Variants in TMTC1 observed in about 807,000 individuals in gnomAD.
TMTC1 encodes protein O-mannosyl-transferase TMTC1.
TMTC1 carries 73 observed loss-of-function variants against 104.8 expected under a neutral mutation model. That is an observed-to-expected ratio of 0.70 (90% confidence interval 0.58 to 0.85). The LOEUF (loss-of-function observed/expected upper bound fraction) is 0.85, where lower values mean the gene tolerates loss of function less well. Ranked by LOEUF, TMTC1 falls within the 40% of genes least tolerant of loss-of-function variation. TMTC1 has a pLI of 0.00. For synonymous variants in TMTC1, 434 were observed against 428.7 expected (o/e 1.01, Z -0.15); for missense variants, 1,035 against 1,096.1 (o/e 0.94, Z 0.79).
At chr12:29,722,162 T>C (rs115697550) in intron 5 of TMTC1, among the ~76,000 whole-genome samples, 1 of 152,132 alleles carries the variant, frequency 6.6e-6, no homozygotes, top group African/African-American at 2.4e-5. Context: ...CTTGAAAGGG[T>C]CTTGGGGAAC....
At chr12:29,658,786 T>C (rs770934408) in intron 5 of TMTC1, 3 of 171,464 alleles carry the variant, frequency 1.7e-5, no homozygotes, top group Non-Finnish European at 2.6e-5. Flanking sequence ...CTCTTTTTCT[T>C]TGTGTTCCTC....
chr12:29,606,602 G>A (rs1373608921), intron 6 of TMTC1, among the ~76,000 whole-genome samples: 1 of 152,172 alleles, frequency 6.6e-6, no homozygotes, highest in Admixed American at 6.5e-5. Context: ...TCCCAAAGAA[G>A]TTTCTAAAGA....
intron 6 of TMTC1, among the ~76,000 whole-genome samples, chr12:29,615,339 T>A (rs949779801): frequency 7.2e-5 from 11 of 152,180 alleles, no homozygotes; most frequent in African/African-American, 2.7e-4. Flanking sequence ...CTGAGGTGCA[T>A]GTAACAATGT....
chr12:29,740,793 G>A (rs1038870951), intron 5 of TMTC1, among the ~76,000 whole-genome samples: 1 of 151,822 alleles, frequency 6.6e-6, no homozygotes, highest in African/African-American at 2.4e-5. Flanking sequence ...TTACAAAGAA[G>A]GAAAAAGGAA....
At chr12:29,510,335 T>C (rs1943799106) in intron 17 of TMTC1, among the ~76,000 whole-genome samples, 1 of 152,232 alleles carries the variant, frequency 6.6e-6, no homozygotes, top group African/African-American at 2.4e-5. Context: ...TGAGACATCA[T>C]CATATATATG....
intron 5 of TMTC1, among the ~76,000 whole-genome samples, chr12:29,678,058 T>G (rs1940792349): frequency 6.6e-6 from 1 of 152,212 alleles, no homozygotes; most frequent in Admixed American, 6.5e-5. Flanking sequence ...AGGGAAGTAA[T>G]TTATTTTAGA....
intron 16 of TMTC1, among the ~76,000 whole-genome samples, chr12:29,512,707 T>G (rs1297219637): frequency 6.6e-6 from 1 of 152,212 alleles, no homozygotes; most frequent in Non-Finnish European, 1.5e-5. Context: ...AGAGAGTTAC[T>G]TATCCCTCAA....
chr12:29,695,793 T>TTTTA (rs371127995), intron 5 of TMTC1, among the ~76,000 whole-genome samples: 18 of 83,758 alleles, frequency 2.1e-4, no homozygotes, highest in Non-Finnish European at 4.0e-4. Context: ...TACTTCCTTT[T>TTTTA]TATATATATA....
chr12:29,766,861 T>C (rs548111882), intron 2 of TMTC1, among the ~76,000 whole-genome samples: 1 of 152,284 alleles, frequency 6.6e-6, no homozygotes, highest in African/African-American at 2.4e-5. Flanking sequence ...ACCAGTTGTA[T>C]TTACTGAGCT....
At chr12:29,657,157 C>T (rs920479300) in intron 5 of TMTC1, among the ~76,000 whole-genome samples, 1 of 152,276 alleles carries the variant, frequency 6.6e-6, no homozygotes, top group East Asian at 1.9e-4. Flanking sequence ...AGAATGAACG[C>T]TCAAATTCAG....
At chr12:29,574,903 C>CAGCA (rs1048463673) in intron 8 of TMTC1, among the ~76,000 whole-genome samples, 1 of 152,154 alleles carries the variant, frequency 6.6e-6, no homozygotes, top group Non-Finnish European at 1.5e-5. Context: ...GAGGGAGGGC[C>CAGCA]AGCAGCAAGA....
At chr12:29,543,249 C>A (rs930704914) in intron 10 of TMTC1, among the ~76,000 whole-genome samples, 2 of 152,164 alleles carry the variant, frequency 1.3e-5, no homozygotes, top group African/African-American at 4.8e-5. Context: ...TTTCATGGCT[C>A]CATGTCAGTG....
intron 5 of TMTC1, among the ~76,000 whole-genome samples, chr12:29,696,682 T>C (rs993862110): frequency 9.2e-5 from 14 of 152,198 alleles, no homozygotes; most frequent in African/African-American, 3.4e-4. Flanking sequence ...TTAATATGGT[T>C]ATGTTTTCCT....
At chr12:29,628,360 T>C (rs534546887) in intron 6 of TMTC1, among the ~76,000 whole-genome samples, 1 of 152,240 alleles carries the variant, frequency 6.6e-6, no homozygotes, top group East Asian at 1.9e-4. Flanking sequence ...AAGCCAGACA[T>C]ACAAGATTAC....
chr12:29,517,493 C>T lies in TMTC1; in HGVS notation c.2103G>A (p.Glu701=), dbSNP rs747118750. 6.2e-7 allele frequency: 1 copy of T among 1,614,122 alleles called. No homozygotes were observed. Among genetic ancestry groups the T allele is most frequent in the Non-Finnish European group, 8.5e-7 (1 of 1,180,022 alleles). Residue 701 remains glutamate (E), a synonymous_variant, in exon 14 of 18, where the codon GAG becomes GAA. Coordinates refer to ENST00000539277, the MANE Select transcript of TMTC1 (RefSeq NM_001193451.2). ...CAGCTTCCTGGTAAATCTGCAAAGC[C>T]TCTTCGTATCGGCCAGTGTTGTAAT... ...ALYYNTGRYE[E]ALQIYQEAAA...
At chr12:29,563,883 G>A (rs192967267) in intron 9 of TMTC1, among the ~76,000 whole-genome samples, 1 of 152,282 alleles carries the variant, frequency 6.6e-6, no homozygotes, top group African/African-American at 2.4e-5. Context: ...TGTGAGGAGA[G>A]CAGACAGAGC....
intron 5 of TMTC1, among the ~76,000 whole-genome samples, chr12:29,705,608 T>A (rs900557009): frequency 2.0e-5 from 3 of 152,140 alleles, no homozygotes. Flanking sequence ...CCCACACCCT[T>A]CTTTCTTGTT....
rs746330751 is a variant in TMTC1 at position 29,645,409 on chromosome 12, CAT to C, written c.939-12075_939-12074del. On this transcript the variant is annotated intron_variant, in intron 5 of 17. Coordinates refer to ENST00000539277, the MANE Select transcript of TMTC1 (RefSeq NM_001193451.2). ...TTATTTTGCATTAAACTACAATGAACATAGTTAAAATGAGAATTTTTGTTACC... is the reference window on the plus strand; with the variant it reads ...TTATTTTGCATTAAACTACAATGAACAGTTAAAATGAGAATTTTTGTTACC... Among the ~76,000 whole-genome samples the C allele has an allele frequency of 4.6e-4, 70 of 152,094 alleles. 1 individual carries two copies. Among genetic ancestry groups the C allele is most frequent in the Admixed American group, 2.0e-4 (3 of 15,272 alleles).
At chr12:29,635,173 TAAC>T (rs1355866153) in intron 5 of TMTC1, among the ~76,000 whole-genome samples, 1 of 150,234 alleles carries the variant, frequency 6.7e-6, no homozygotes, top group Non-Finnish European at 1.5e-5. Context: ...CTTTGTTATT[TAAC>T]AACAACAAAA....
Sources: gnomAD v4.1 joint callset for allele counts (sites outside exome capture counted in the v4.1 genomes callset) on GRCh38, gnomAD v4.1.1 for gene constraint, MANE v1.5 for transcripts, NCBI Gene and HGNC (gene_info 2026-07-23, HGNC 2026-07-21) for gene names.